The following RBBP8 variants were observed in gnomAD, a reference collection of about 807,000 sequenced individuals.
RBBP8 encodes the protein RB binding protein 8, endonuclease.
In RBBP8, 88 loss-of-function variants were observed where a neutral mutation model predicts 108.3. That is an observed-to-expected ratio of 0.81 (90% CI 0.68 to 0.97). RBBP8 has a LOEUF of 0.97. Among genes scored for constraint, RBBP8 ranks in the 50% least tolerant of loss-of-function variants. The pLI is 0.00. For missense variants in RBBP8, 1,023 were observed against 1,049.0 expected (o/e 0.98, Z 0.34); for synonymous variants, 332 against 348.2 (o/e 0.95, Z 0.52).
At chr18:22,980,339 G>A (rs1432120204) in intron 6 of RBBP8, among the ~76,000 whole-genome samples, 1 of 152,052 alleles carries the variant, frequency 6.6e-6, no homozygotes, top group African/African-American at 2.4e-5. Context: ...CAGAATAACA[G>A]GGAACAGGAG....
rs1053551596 is a variant in RBBP8, at chr18:22,997,641, G to C, written c.2050G>C (p.Gly684Arg). The change falls in exon 14 of 19, where the codon GGA becomes CGA. Residue 684 changes from glycine to arginine, a missense_variant. By Grantham distance (125) the Gly-to-Arg change is moderately radical. Coordinates refer to ENST00000327155, the MANE Select transcript of RBBP8 (RefSeq NM_002894.3). ...TTAGGATGGCAGTCAGTCAAAATTA[G>C]GAGGAGAGACAGTGGACATGGACTG... ...DTKDGSQSKL[G>R]GETVDMDCTL... 4 of 1,606,106 alleles carry C rather than the reference G, an allele frequency of 2.5e-6. No homozygotes were observed. Among genetic ancestry groups the C allele is most frequent in the South Asian group, 1.1e-5 (1 of 89,912 alleles).
intron 15 of RBBP8, among the ~76,000 whole-genome samples, chr18:23,004,007 A>G (rs2045992261): frequency 6.9e-6 from 1 of 144,406 alleles, no homozygotes; most frequent in Admixed American, 7.3e-5. Context: ...CAGTGAGCCA[A>G]GATCACGCCA....
intron 8 of RBBP8, 57 bp from the exon 9 acceptor site, chr18:22,989,164 A>T: frequency 8.0e-7 from 1 of 1,244,804 alleles, no homozygotes; most frequent in Non-Finnish European, 1.2e-6. Flanking sequence ...TCTAGCTTCT[A>T]CAGTTTTGTA....
At chr18:23,004,759 C>A (rs2046010233) in intron 15 of RBBP8, 1 of 152,240 alleles carries the variant, frequency 6.6e-6, no homozygotes, top group Non-Finnish European at 1.5e-5. Context: ...TGGCCCACTT[C>A]AAAAATGGAG....
At chr18:22,917,716 T>C (rs1205381242) in intron 3 of RBBP8, among the ~76,000 whole-genome samples, 3 of 152,092 alleles carry the variant, frequency 2.0e-5, no homozygotes, top group Non-Finnish European at 4.4e-5. Context: ...GATATAATGT[T>C]GGGGCCGGGC....
At chr18:22,973,187 A>AT (rs1332429360) in intron 5 of RBBP8, among the ~76,000 whole-genome samples, 1 of 152,190 alleles carries the variant, frequency 6.6e-6, no homozygotes, top group East Asian at 1.9e-4. Context: ...TAGAATTGGT[A>AT]TGAGATTCTT....
chr18:22,935,299 T>A (rs1910450567), intron 1 of RBBP8, among the ~76,000 whole-genome samples: 1 of 144,082 alleles, frequency 6.9e-6, no homozygotes, highest in Non-Finnish European at 1.5e-5. Flanking sequence ...TTTTGCTGGA[T>A]TTTTTTTTTT....
intron 3 of RBBP8, among the ~76,000 whole-genome samples, chr18:22,926,245 A>G (rs1012518421): frequency 1.3e-5 from 2 of 152,196 alleles, no homozygotes; most frequent in Non-Finnish European, 2.9e-5. Flanking sequence ...CAAAATGGTG[A>G]AACCCTGTCT....
At chr18:22,944,480 C>T (rs952164626) in intron 2 of RBBP8, among the ~76,000 whole-genome samples, 5 of 152,040 alleles carry the variant, frequency 3.3e-5, no homozygotes, top group East Asian at 3.9e-4. Flanking sequence ...AGTAAAATTT[C>T]GCACATTTTT....
In RBBP8 at chr18:22,992,797, C is replaced by T. The variant is rs373907735; in HGVS notation, c.970C>T (p.Arg324Ter). The change falls in exon 11 of 19, where the codon CGA (arginine) becomes TGA (stop). Residue 324 changes from arginine to a stop codon, truncating the protein, a stop_gained. Transcript: ENST00000327155. LOFTEE classifies it high-confidence loss of function. ...TCCTCCTCAAGAAGAATTACCTACTCGAGTGTCATCTCCTGTATTTGGAGC... is the reference window on the plus strand; with the variant it reads ...TCCTCCTCAAGAAGAATTACCTACTTGAGTGTCATCTCCTGTATTTGGAGC... Reference protein sequence around the residue: ...KTPPQEELPTRVSSPVFGATS... With the variant: ...KTPPQEELPT 2 of 1,604,604 alleles carry T rather than the reference C, an allele frequency of 1.2e-6. No homozygotes were observed. The highest frequency in any genetic ancestry group is 1.7e-6 in the Non-Finnish European group (2 of 1,171,612).
intron 2 of RBBP8, chr18:22,916,834 G>C (rs774053972): frequency 6.6e-5 from 10 of 152,126 alleles, no homozygotes; most frequent in African/African-American, 2.4e-4. Flanking sequence ...TGTCTCAACT[G>C]TCTATTTTCT....
chr18:23,012,152 G>A (rs940281538), intron 16 of RBBP8, among the ~76,000 whole-genome samples: 1 of 136,114 alleles, frequency 7.3e-6, no homozygotes, highest in Admixed American at 8.4e-5. Flanking sequence ...CGAGACTAGT[G>A]AGCTGTGATC....
At chr18:22,994,019 T>C (rs1164937107) in intron 12 of RBBP8, among the ~76,000 whole-genome samples, 172 bp downstream of exon 12, 1 of 124,152 alleles carries the variant, frequency 8.1e-6, no homozygotes, top group African/African-American at 2.9e-5. Flanking sequence ...CTGTTCTTTT[T>C]TTTTTTTTTT....
At chr18:22,946,680 A>C (rs1911592899) in intron 3 of RBBP8, among the ~76,000 whole-genome samples, 194 bp downstream of exon 3, 1 of 152,122 alleles carries the variant, frequency 6.6e-6, no homozygotes, top group African/African-American at 2.4e-5. Context: ...TAAAGTAAAA[A>C]GAATAATTTT....
At position 23,026,187 on chromosome 18, in the gene RBBP8, C is replaced by T. The variant is rs760773711; in HGVS notation, c.2641C>T (p.Arg881Cys). 9.3e-6 allele frequency: 15 copies of T among 1,613,644 alleles called. No individual in the cohort carries two copies. Among genetic ancestry groups the T allele is most frequent in the Non-Finnish European group, 1.2e-5 (14 of 1,179,798 alleles). The change falls in exon 19 of 19, where the codon CGT (arginine) becomes TGT (cysteine). Residue 881 changes from arginine to cysteine, a missense_variant. Arg to Cys is a radical substitution (Grantham distance 180). Transcript: ENST00000327155. ...DLDPCPRPKR[R>C]QPYNAIFSPK... ...TGATCCTTGTCCTCGTCCAAAAAGA[C>T]GTCAGCCTTACAACGCAATATTTTC...
intron 16 of RBBP8, among the ~76,000 whole-genome samples, 183 bp from the exon 17 acceptor site, chr18:23,016,645 G>A (rs2046259693): frequency 6.6e-6 from 1 of 151,998 alleles, no homozygotes; most frequent in Admixed American, 6.5e-5. Context: ...AATTTTTTTA[G>A]TTAGAAAAAA....
intron 16 of RBBP8, among the ~76,000 whole-genome samples, chr18:23,011,488 G>A (rs1263646526): frequency 1.3e-5 from 2 of 148,222 alleles, no homozygotes; most frequent in Non-Finnish European, 3.0e-5. Context: ...CCAGGCTGGA[G>A]TGCAGTGGTG....
chr18:22,982,263 C>T lies in RBBP8; in HGVS notation c.474C>T (p.Asp158=), dbSNP rs914646926. 17 of 1,614,096 alleles carry T rather than the reference C, an allele frequency of 1.1e-5. No homozygotes were observed. Among genetic ancestry groups the T allele is most frequent in the Non-Finnish European group, 1.3e-5 (15 of 1,179,970 alleles). ...HQAAELECEE[D]VIPDSPITAF... ...CAGCTGAGCTTGAATGTGAGGAAGACGTTATTCCAGATTCACCGATAACAG... is the reference window on the plus strand; with the variant it reads ...CAGCTGAGCTTGAATGTGAGGAAGATGTTATTCCAGATTCACCGATAACAG... Residue 158 remains aspartate (D), a synonymous_variant, in exon 7 of 19, where the codon GAC becomes GAT. Coordinates refer to ENST00000327155, the MANE Select transcript of RBBP8 (RefSeq NM_002894.3).
intron 4 of RBBP8, chr18:22,950,044 G>A (rs758242104): frequency 4.7e-5 from 10 of 211,174 alleles, no homozygotes; most frequent in African/African-American, 7.0e-5. Flanking sequence ...TGTTTCTGTC[G>A]TCTTTTCTTG....
Sources: gnomAD v4.1 joint callset for allele counts (sites outside exome capture counted in the v4.1 genomes callset) on GRCh38, gnomAD v4.1.1 for gene constraint, MANE v1.5 for transcripts, NCBI Gene and HGNC (gene_info 2026-07-23, HGNC 2026-07-21) for gene names.